Variants in KHDRBS3 observed in about 807,000 individuals in gnomAD.
KHDRBS3 encodes the protein KH RNA binding domain containing, signal transduction associated 3.
KHDRBS3 carries 23 observed loss-of-function variants against 45.6 expected under a neutral mutation model. That is an observed-to-expected ratio of 0.50 (90% CI 0.36 to 0.72). KHDRBS3 has a LOEUF of 0.72. KHDRBS3 is among the 30% of genes least tolerant of loss of function. The pLI, the probability that KHDRBS3 is intolerant of heterozygous loss-of-function variation, is 0.00. For missense variants in KHDRBS3, 352 were observed against 424.8 expected (o/e 0.83, Z 1.51); for synonymous variants, 162 against 156.5 (o/e 1.04, Z -0.26).
chr8:135,648,892 A>G (rs913757718), downstream of KHDRBS3, among the ~76,000 whole-genome samples: 9 of 152,212 alleles, frequency 5.9e-5, no homozygotes, highest in Non-Finnish European at 1.3e-4. Context: ...AGCATGAAAA[A>G]AAAAATTCCA....
intron 1 of KHDRBS3, among the ~76,000 whole-genome samples, chr8:135,503,078 G>T (rs1823813742): frequency 1.3e-5 from 2 of 152,136 alleles, no homozygotes; most frequent in Non-Finnish European, 2.9e-5. Context: ...GACAGTGCTG[G>T]TCTTCATGTT....
chr8:135,632,544 C>T (rs553742614), intron 7 of KHDRBS3, among the ~76,000 whole-genome samples: 93 of 152,200 alleles, frequency 6.1e-4, no homozygotes, highest in African/African-American at 2.2e-3. Context: ...CCAGCAGCCT[C>T]CTCTCCAGAG....
chr8:135,615,121 G>A (rs559924699), intron 7 of KHDRBS3, among the ~76,000 whole-genome samples: 6 of 151,842 alleles, frequency 4.0e-5, no homozygotes, highest in African/African-American at 1.5e-4. Context: ...CAGATATCAT[G>A]GGTGGCGTGT....
chr8:135,506,222 T>A (rs1823987960), intron 1 of KHDRBS3, among the ~76,000 whole-genome samples: 4 of 152,116 alleles, frequency 2.6e-5, no homozygotes, highest in Non-Finnish European at 5.9e-5. Context: ...AATTTCAGAA[T>A]GTGTGTTCTA....
chr8:135,606,900 C>T (rs1439187962), intron 6 of KHDRBS3, 55 bp from the exon 7 acceptor site: 10 of 1,386,532 alleles, frequency 7.2e-6, no homozygotes, highest in Non-Finnish European at 1.0e-5. Context: ...CAGAATGCTT[C>T]TTTCTTTTTA....
At chr8:135,575,257 G>A (rs4518704) in intron 5 of KHDRBS3, among the ~76,000 whole-genome samples, 30,943 of 152,124 alleles carry the variant, frequency 0.2, 3,717 homozygotes, top group Middle Eastern at 0.28. Context: ...ACCTGTAGTG[G>A]CTTAACCCAG....
At chr8:135,550,959 G>T (rs992735672) in intron 4 of KHDRBS3, among the ~76,000 whole-genome samples, 2 of 152,076 alleles carry the variant, frequency 1.3e-5, no homozygotes, top group Non-Finnish European at 2.9e-5. Flanking sequence ...TTGCAAAATT[G>T]ATTTGTAAAT....
intron 1 of KHDRBS3, among the ~76,000 whole-genome samples, chr8:135,513,267 A>G (rs1038362419): frequency 6.6e-6 from 1 of 152,164 alleles, no homozygotes; most frequent in Non-Finnish European, 1.5e-5. Flanking sequence ...TATAAAGTTA[A>G]ATTAGATAAA....
At chr8:135,535,624 A>G (rs1825708539) in intron 2 of KHDRBS3, among the ~76,000 whole-genome samples, 1 of 152,062 alleles carries the variant, frequency 6.6e-6, no homozygotes, top group African/African-American at 2.4e-5. Context: ...AAAATGCTGT[A>G]TAAGAAATTT....
chr8:135,502,520 T>C (rs1823784273), intron 1 of KHDRBS3, among the ~76,000 whole-genome samples: 1 of 152,236 alleles, frequency 6.6e-6, no homozygotes, highest in African/African-American at 2.4e-5. Context: ...ATTTTATTTG[T>C]ACTTTTTATA....
intron 1 of KHDRBS3, among the ~76,000 whole-genome samples, chr8:135,477,143 A>G (rs1822329819): frequency 6.6e-6 from 1 of 152,190 alleles, no homozygotes; most frequent in African/African-American, 2.4e-5. Flanking sequence ...TAATGTATAT[A>G]GGTTACATAT....
intron 1 of KHDRBS3, among the ~76,000 whole-genome samples, chr8:135,483,942 A>C (rs1455709033): frequency 6.6e-6 from 1 of 152,086 alleles, no homozygotes; most frequent in Non-Finnish European, 1.5e-5. Context: ...CTATTTTTGG[A>C]AGACAGGATA....
At chr8:135,491,625 C>A (rs1055168717) in intron 1 of KHDRBS3, among the ~76,000 whole-genome samples, 1 of 152,102 alleles carries the variant, frequency 6.6e-6, no homozygotes, top group African/African-American at 2.4e-5. Flanking sequence ...CAGTGGTTTT[C>A]TTGGTTGGAG....
Position 135,475,345 on chromosome 8 carries a change from C to T in KHDRBS3, c.88+17391C>T, listed in dbSNP as rs547509806. ...TTGGTTTTTGAGACGGAGTTTCGCT[C>T]TTTTGCCCAGGCTGGAATGAAGTGG... On this transcript the variant is annotated intron_variant, in intron 1 of 8. Coordinates refer to ENST00000355849, the MANE Select transcript of KHDRBS3 (RefSeq NM_006558.3). Among the ~76,000 whole-genome samples, 3 of 152,076 alleles carry T rather than the reference C, an allele frequency of 2.0e-5. No homozygotes were observed. The East Asian group carries it at 5.8e-4, about 29-fold the overall frequency.
At chr8:135,489,792 T>C (rs975534904) in intron 1 of KHDRBS3, among the ~76,000 whole-genome samples, 6 of 152,290 alleles carry the variant, frequency 3.9e-5, no homozygotes, top group Middle Eastern at 3.4e-3. Flanking sequence ...AGAAAAAATA[T>C]TTCTTAATAA....
chr8:135,474,936 C>T (rs1345465356), intron 1 of KHDRBS3, among the ~76,000 whole-genome samples: 2 of 152,200 alleles, frequency 1.3e-5, no homozygotes, highest in Non-Finnish European at 2.9e-5. Flanking sequence ...CTTTCCAGCT[C>T]TGGAGGCTGC....
At chr8:135,516,574 G>GTGTT (rs1554621001) in intron 1 of KHDRBS3, among the ~76,000 whole-genome samples, 1 of 151,244 alleles carries the variant, frequency 6.6e-6, no homozygotes, top group African/African-American at 2.4e-5. Context: ...CTTACATTGT[G>GTGTT]TGTGTGTGTG....
At chr8:135,643,123 A>G (rs1052054877) in intron 7 of KHDRBS3, among the ~76,000 whole-genome samples, 4 of 152,074 alleles carry the variant, frequency 2.6e-5, no homozygotes, top group Admixed American at 6.5e-5. Context: ...AATACTTACT[A>G]TATTTGATTG....
chr8:135,466,978 A>T (rs1328015867), intron 1 of KHDRBS3, among the ~76,000 whole-genome samples: 1 of 152,202 alleles, frequency 6.6e-6, no homozygotes, highest in Non-Finnish European at 1.5e-5. Flanking sequence ...AAAATAACTA[A>T]AAGAGTATAA....
Sources: allele counts gnomAD v4.1 joint callset (sites outside exome capture counted in the v4.1 genomes callset), GRCh38; gene constraint gnomAD v4.1.1; transcripts MANE v1.5; gene names NCBI Gene and HGNC (gene_info 2026-07-23, HGNC 2026-07-21).